Variants in BPHL observed in about 807,000 individuals in gnomAD.
BPHL encodes the protein serine hydrolase BPHL.
A neutral mutation model predicts 31.2 loss-of-function variants in BPHL; 27 were observed. That is an observed-to-expected ratio of 0.87 (90% CI 0.64 to 1.19). The LOEUF (loss-of-function observed/expected upper bound fraction) is 1.19. Among genes scored for constraint, BPHL ranks in the 50% most tolerant of loss-of-function variants. BPHL has a pLI of 0.00. For missense variants in BPHL, 356 were observed against 375.7 expected, an observed-to-expected ratio of 0.95 and a Z score of 0.43; for synonymous variants, 150 against 146.8, an observed-to-expected ratio of 1.02 and a Z score of -0.16.
In BPHL at chr6:3,140,763, C is replaced by T. The variant is rs1363098070; in HGVS notation, c.788+254C>T. ...TACTTTCATGAGTGGCAAACATGCTCATAGGTGCTAAGCCCTGTCACTTGG... is the reference window on the plus strand; with the variant it reads ...TACTTTCATGAGTGGCAAACATGCTTATAGGTGCTAAGCCCTGTCACTTGG... On this transcript the variant is annotated intron_variant, in intron 6 of 6. Coordinates refer to ENST00000380379, the MANE Select transcript of BPHL (RefSeq NM_004332.4). The surrounding 1 kb of genome is among the most constrained non-coding windows in gnomAD (Gnocchi z 5.2). Among the ~76,000 whole-genome samples, 2 of 152,222 alleles carry T rather than the reference C, an allele frequency of 1.3e-5. No individual in the cohort carries two copies. Among genetic ancestry groups the T allele is most frequent in the South Asian group, 2.1e-4 (1 of 4,832 alleles).
At chr6:3,124,895 T>C (rs765859614) in intron 2 of BPHL, among the ~76,000 whole-genome samples, 1 of 152,216 alleles carries the variant, frequency 6.6e-6, no homozygotes, top group Admixed American at 6.5e-5. Context: ...TAAATGGTGT[T>C]TGGTACCTTT....
rs959905634 is a variant in BPHL, at chr6:3,149,199, T to C, written c.789-3289T>C. Among the ~76,000 whole-genome samples, 1 of 152,160 alleles carries C rather than the reference T, an allele frequency of 6.6e-6. No homozygotes were observed. The highest frequency in any genetic ancestry group is 2.4e-5 in the African/African-American group (1 of 41,450). ...GGACTCTGTGCTGGTTAGACAAAAC[T>C]GTCCTGGCCCCGTAAAGCCAGTGTT... On this transcript the variant is annotated intron_variant, in intron 6 of 6. Transcript: ENST00000380379. The surrounding 1 kb of genome is among the most constrained non-coding windows in gnomAD (Gnocchi z 4.6).
chr6:3,145,124 G>A (rs1346264124), intron 6 of BPHL, among the ~76,000 whole-genome samples: 1 of 150,958 alleles, frequency 6.6e-6, no homozygotes, highest in Non-Finnish European at 1.5e-5. Flanking sequence ...TTTGAGTTCT[G>A]GTGTGGGTCG....
In BPHL at chr6:3,123,670, T is replaced by G. The variant is rs1354033489; in HGVS notation, c.121T>G (p.Ser41Ala). 1 of 1,613,644 alleles carries G rather than the reference T, an allele frequency of 6.2e-7. No individual in the cohort carries two copies. Among genetic ancestry groups the G allele is most frequent in the Admixed American group, 1.7e-5 (1 of 59,976 alleles). ...TTTCTCTTCTAGCACCTCGGTAACCTCTGCCAAAGTGGCTGTGAATGGCGT... is the reference window on the plus strand; with the variant it reads ...TTTCTCTTCTAGCACCTCGGTAACCGCTGCCAAAGTGGCTGTGAATGGCGT... The part of the protein sequence containing the change: ...PAAAFGTSVT[S>A]AKVAVNGVQL... The change falls in exon 2 of 7, where the codon TCT (serine) becomes GCT (alanine). Residue 41 changes from serine (S) to alanine (A), a missense_variant. Physicochemically the swap from Ser to Ala is moderately conservative, Grantham distance 99. Transcript: ENST00000380379.
chr6:3,140,684 G>A lies in BPHL; in HGVS notation c.788+175G>A, dbSNP rs764424813. 5.9e-5 allele frequency among the ~76,000 whole-genome samples: 9 copies of A among 152,166 alleles called. No homozygotes were observed. Among genetic ancestry groups the A allele is most frequent in the Non-Finnish European group, 8.8e-5 (6 of 68,034 alleles). On this transcript the variant is annotated intron_variant, in intron 6 of 6. Transcript: ENST00000380379. This position sits in a 1 kb window ranked among gnomAD's most constrained non-coding sequence, Gnocchi z 5.2. ...GGGTACCACGGAAGAGAGAAGCCCT[G>A]AACTGTGGGTGACTGATAACCAGAA...
At chr6:3,122,736 A>G (rs1275710205) in intron 1 of BPHL, among the ~76,000 whole-genome samples, 1 of 152,182 alleles carries the variant, frequency 6.6e-6, no homozygotes, top group Non-Finnish European at 1.5e-5. Flanking sequence ...GCTACTTAGC[A>G]GTTGACACAG....
In BPHL at chr6:3,140,187, G is replaced by T; in HGVS notation, c.665-199G>T. 1 of 623,994 alleles carries T rather than the reference G, an allele frequency of 1.6e-6. No individual in the cohort carries two copies. The highest frequency in any genetic ancestry group is 2.7e-6 in the Non-Finnish European group (1 of 376,320). 38.7% of individuals were successfully genotyped at this position (623,994 alleles called of 1,614,324 possible). A position where few individuals can be genotyped will look rare whatever the true frequency, so the allele number is the denominator to read the frequency against. On this transcript the variant is annotated intron_variant, in intron 5 of 6. Transcript: ENST00000380379. This position sits in a 1 kb window ranked among gnomAD's most constrained non-coding sequence, Gnocchi z 5.2. ...AACTCAGAAACAGGCAAACAAACAAGAAACAGAGAGAAACAGAAAAGGGAA... is the reference window on the plus strand; with the variant it reads ...AACTCAGAAACAGGCAAACAAACAATAAACAGAGAGAAACAGAAAAGGGAA...
rs530244358 is a variant in BPHL at position 3,123,976 on chromosome 6, C to T, written c.211+216C>T. ...TCCTTTAGTAAAGTACCCAGTTTTT[C>T]CTATTGCAAGTACTCTGTGAAATCA... On this transcript the variant is annotated intron_variant, in intron 2 of 6. Transcript: ENST00000380379. 25 of 341,744 alleles carry T rather than the reference C, an allele frequency of 7.3e-5. No individual in the cohort carries two copies. The South Asian group carries it at 8.8e-4, about 12-fold the overall frequency. 21.2% of individuals were successfully genotyped at this position (341,744 alleles called of 1,614,324 possible). A position where few individuals can be genotyped will look rare whatever the true frequency, so the allele number is the denominator to read the frequency against.
intron 1 of BPHL, among the ~76,000 whole-genome samples, chr6:3,121,161 A>G (rs1761558662): frequency 6.6e-6 from 1 of 152,264 alleles, no homozygotes; most frequent in Admixed American, 6.5e-5. Context: ...AAGAGATGTA[A>G]AAATAATTCA....
chr6:3,127,417 C>T lies in BPHL; in HGVS notation c.378+9C>T, dbSNP rs200368448. ...CTGTTGATTTGATGAAGGTAGGTCT[C>T]TGAGGGAAGGGCCAGGGGAGGAAGG... On this transcript the variant is annotated intron_variant, in intron 3 of 6. Coordinates refer to ENST00000380379, the MANE Select transcript of BPHL (RefSeq NM_004332.4). 1.9e-4 allele frequency: 303 copies of T among 1,581,868 alleles called. No homozygotes were observed. The African/African-American group carries it at 3.6e-3, about 19-fold the overall frequency.
At chr6:3,120,457 C>T (rs1371214624) in intron 1 of BPHL, among the ~76,000 whole-genome samples, 1 of 152,038 alleles carries the variant, frequency 6.6e-6, no homozygotes, top group African/African-American at 2.4e-5. Flanking sequence ...TTTGTACGGC[C>T]GTTTTATAAA....
Position 3,140,088 on chromosome 6 carries a change from A to G in BPHL, c.665-298A>G, listed in dbSNP as rs1762129816. 5.4e-6 allele frequency: 2 copies of G among 370,998 alleles called. No individual in the cohort carries two copies. The highest frequency in any genetic ancestry group is 1.0e-5 in the Non-Finnish European group (2 of 200,914). 23.0% of individuals were successfully genotyped at this position (370,998 alleles called of 1,614,324 possible). A position where few individuals can be genotyped will look rare whatever the true frequency, so the allele number is the denominator to read the frequency against. On this transcript the variant is annotated intron_variant, in intron 5 of 6. Coordinates refer to ENST00000380379, the MANE Select transcript of BPHL (RefSeq NM_004332.4). This position sits in a 1 kb window ranked among gnomAD's most constrained non-coding sequence, Gnocchi z 5.2. ...ACGGTGGGAACCGCCACTGTGGAAT[A>G]TAGTGGTGGGGTGTTTATTTGATTT... is the stretch of plus-strand genomic sequence containing the variant.
intron 1 of BPHL, 106 bp from the exon 2 acceptor site, chr6:3,123,551 T>G: frequency 1.1e-6 from 1 of 887,996 alleles, no homozygotes; most frequent in Non-Finnish European, 1.8e-6. Flanking sequence ...CTACAGCGCG[T>G]AGAACACTAA....
intron 2 of BPHL, chr6:3,126,755 CTT>C (rs574990872): frequency 5.3e-4 from 68 of 128,102 alleles, no homozygotes; most frequent in Middle Eastern, 5.1e-3. Context: ...CGCCCGGCCC[CTT>C]TTTTTTTTTT....
chr6:3,118,534 A>C, upstream of BPHL: 1 of 392,216 alleles, frequency 2.5e-6, no homozygotes, highest in Non-Finnish European at 4.5e-6. Flanking sequence ...CGGCGGTTCC[A>C]GGACTGCGAA....
intron 1 of BPHL, among the ~76,000 whole-genome samples, chr6:3,122,015 C>G (rs557132215): frequency 2.0e-5 from 3 of 152,086 alleles, no homozygotes; most frequent in African/African-American, 7.2e-5. Context: ...GGAGATGGGC[C>G]GGGCCTGTAA....
chr6:3,124,766 C>T (rs181751240), intron 2 of BPHL, among the ~76,000 whole-genome samples: 6 of 151,508 alleles, frequency 4.0e-5, no homozygotes, highest in Non-Finnish European at 7.4e-5. Flanking sequence ...TGTAGAACCA[C>T]GGATAGGAAG....
intron 5 of BPHL, among the ~76,000 whole-genome samples, chr6:3,137,729 T>C (rs893116203): frequency 6.6e-6 from 1 of 152,232 alleles, no homozygotes; most frequent in Non-Finnish European, 1.5e-5. Flanking sequence ...GAGTCTTTAA[T>C]AGCAGACTGC....
chr6:3,118,870 G>C, intron 1 of BPHL, 23 bp downstream of exon 1: 1 of 1,233,202 alleles, frequency 8.1e-7, no homozygotes. Flanking sequence ...ACCTCGCCCC[G>C]GGGATCCCCA....
Sources: gnomAD v4.1 joint callset for allele counts (sites outside exome capture counted in the v4.1 genomes callset) on GRCh38, gnomAD v4.1.1 for gene constraint, Gnocchi (gnomAD v3.1) non-coding constraint, MANE v1.5 for transcripts, NCBI Gene and HGNC (gene_info 2026-07-23, HGNC 2026-07-21) for gene names.